Variants in RPS6KC1 observed in about 807,000 individuals in gnomAD.
RPS6KC1 encodes the protein inactive ribosomal protein S6 kinase delta-1.
RPS6KC1 carries 54 observed loss-of-function variants against 103.8 expected under a neutral mutation model. The ratio of observed to expected loss-of-function variants is 0.52; its 90% CI spans 0.42 to 0.65. RPS6KC1 has a LOEUF of 0.65. RPS6KC1 is among the 30% of genes least tolerant of loss of function. The pLI is 0.00. For missense variants in RPS6KC1, 1,151 were observed against 1,253.8 expected (o/e 0.92, Z 1.24); for synonymous variants, 439 against 438.7 (o/e 1.00, Z -0.01).
chr1:213,185,685 T>C (rs1359724999), intron 8 of RPS6KC1, among the ~76,000 whole-genome samples: 1 of 151,986 alleles, frequency 6.6e-6, no homozygotes, highest in African/African-American at 2.4e-5. Context: ...TCAGTATTAT[T>C]ATTATTATTG....
At chr1:213,575,326 A>G in the RPS6KC1 span, among the ~76,000 whole-genome samples, 2 of 152,146 alleles carry the variant, frequency 1.3e-5, no homozygotes, top group Non-Finnish European at 2.9e-5. Flanking sequence ...CTTGGCATCC[A>G]CCAGGATGAT....
the RPS6KC1 span, among the ~76,000 whole-genome samples, chr1:213,508,200 A>T: frequency 8.5e-5 from 13 of 152,214 alleles, no homozygotes; most frequent in Admixed American, 8.5e-4. Flanking sequence ...GTTTTTACCC[A>T]TTGTATCATT....
chr1:213,575,332 A>G, the RPS6KC1 span, among the ~76,000 whole-genome samples: 8 of 152,272 alleles, frequency 5.3e-5, no homozygotes, highest in East Asian at 1.5e-3. Context: ...ATCCACCAGG[A>G]TGATGCTGGT....
At chr1:213,159,267 G>C (rs2090222332) in intron 6 of RPS6KC1, among the ~76,000 whole-genome samples, 1 of 152,112 alleles carries the variant, frequency 6.6e-6, no homozygotes, top group Admixed American at 6.6e-5. Flanking sequence ...TGAATTGTTG[G>C]CTATTTTGGT....
At chr1:213,820,270 G>T in the RPS6KC1 span, 1 of 152,234 alleles carries the variant, frequency 6.6e-6, no homozygotes, top group Non-Finnish European at 1.5e-5. Context: ...GTGAAGAGGA[G>T]CTCTGCCTTC....
At chr1:213,585,823 G>A in the RPS6KC1 span, among the ~76,000 whole-genome samples, 1 of 152,054 alleles carries the variant, frequency 6.6e-6, no homozygotes, top group African/African-American at 2.4e-5. Context: ...GGCATGGTAT[G>A]GCAAAGGGTC....
the RPS6KC1 span, among the ~76,000 whole-genome samples, chr1:213,556,407 G>C: frequency 6.6e-6 from 1 of 152,194 alleles, no homozygotes; most frequent in African/African-American, 2.4e-5. Flanking sequence ...TACGTAACAA[G>C]TACAGCATTA....
chr1:213,259,183 C>G (rs535977189), intron 12 of RPS6KC1, among the ~76,000 whole-genome samples: 1 of 152,222 alleles, frequency 6.6e-6, no homozygotes, highest in Admixed American at 6.5e-5. Flanking sequence ...ACTTTTCCAA[C>G]AAGCCTGAAT....
At chr1:213,213,963 G>A (rs934632000) in intron 8 of RPS6KC1, among the ~76,000 whole-genome samples, 6 of 152,228 alleles carry the variant, frequency 3.9e-5, no homozygotes, top group Non-Finnish European at 5.9e-5. Flanking sequence ...CGCGGAAGAC[G>A]AATGATTTCT....
chr1:213,612,420 C>T, the RPS6KC1 span, among the ~76,000 whole-genome samples: 3 of 152,028 alleles, frequency 2.0e-5, no homozygotes, highest in Non-Finnish European at 4.4e-5. Context: ...GGGTAAGAGC[C>T]GAGGGCCTGA....
chr1:213,473,560 G>A, the RPS6KC1 span, among the ~76,000 whole-genome samples: 205 of 152,304 alleles, frequency 1.3e-3, no homozygotes, highest in Non-Finnish European at 2.2e-3. Context: ...CTGGAGATGG[G>A]TATGGGATTT....
chr1:213,734,163 A>G, the RPS6KC1 span, among the ~76,000 whole-genome samples: 2 of 152,226 alleles, frequency 1.3e-5, no homozygotes, highest in African/African-American at 4.8e-5. Flanking sequence ...AAGATTAAAG[A>G]AGGAGCTGAC....
At chr1:213,099,093 T>G (rs906015185) in intron 3 of RPS6KC1, among the ~76,000 whole-genome samples, 3 of 152,216 alleles carry the variant, frequency 2.0e-5, no homozygotes, top group African/African-American at 7.2e-5. Flanking sequence ...AAATTTTGAT[T>G]ATGTTGAAGG....
At chr1:213,380,547 A>G in the RPS6KC1 span, among the ~76,000 whole-genome samples, 5 of 139,348 alleles carry the variant, frequency 3.6e-5, no homozygotes, top group Non-Finnish European at 5.9e-5. Flanking sequence ...CTCACCAGAC[A>G]CACAGACACA....
the RPS6KC1 span, among the ~76,000 whole-genome samples, chr1:213,584,966 T>A: frequency 6.6e-6 from 1 of 152,196 alleles, no homozygotes. Context: ...TTACTCATAG[T>A]TTTCTTAGTA....
intron 12 of RPS6KC1, among the ~76,000 whole-genome samples, chr1:213,255,769 G>A (rs2094628251): frequency 6.6e-6 from 1 of 152,156 alleles, no homozygotes; most frequent in African/African-American, 2.4e-5. Context: ...CACCTATAAA[G>A]AAATTCTACA....
chr1:213,548,298 A>G, the RPS6KC1 span, among the ~76,000 whole-genome samples: 1 of 152,230 alleles, frequency 6.6e-6, no homozygotes, highest in Non-Finnish European at 1.5e-5. Context: ...TCTCATTTAT[A>G]GAAAAGTAGA....
chr1:213,152,844 C>T lies in RPS6KC1; in HGVS notation c.836-15014C>T, dbSNP rs957847863. On this transcript the variant is annotated intron_variant, in intron 6 of 14. Coordinates refer to ENST00000366960, the MANE Select transcript of RPS6KC1 (RefSeq NM_012424.6). ...CTCACTTCCCAGACGGGGTGGCGGCCGGGCAGAGGCTGCAATGTCGGCACT... is the reference window on the plus strand; with the variant it reads ...CTCACTTCCCAGACGGGGTGGCGGCTGGGCAGAGGCTGCAATGTCGGCACT... Among the ~76,000 whole-genome samples, 9 of 152,130 alleles carry T rather than the reference C, an allele frequency of 5.9e-5. No homozygotes were observed. The South Asian group carries it at 8.3e-4, about 14-fold the overall frequency.
intron 4 of RPS6KC1, among the ~76,000 whole-genome samples, chr1:213,114,618 C>T (rs1489475757): frequency 6.6e-6 from 1 of 151,084 alleles, no homozygotes; most frequent in South Asian, 2.1e-4. Flanking sequence ...TGAGAGAGGG[C>T]ATCCCTGTCT....
Sources: allele counts gnomAD v4.1 joint callset (sites outside exome capture counted in the v4.1 genomes callset), GRCh38; gene constraint gnomAD v4.1.1; transcripts MANE v1.5; gene names NCBI Gene and HGNC (gene_info 2026-07-23, HGNC 2026-07-21).